Variants in CDHR3 observed in about 807,000 individuals in gnomAD.
The protein encoded by CDHR3 is cadherin-related family member 3.
CDHR3 carries 79 observed loss-of-function variants against 86.6 expected under a neutral mutation model. The ratio of observed to expected loss-of-function variants is 0.91; its 90% CI spans 0.76 to 1.10. The LOEUF is 1.10. Among genes scored for constraint, CDHR3 ranks in the 50% least tolerant of loss-of-function variants. CDHR3 has a pLI of 0.00. For synonymous variants in CDHR3, 421 were observed against 402.4 expected (o/e 1.05, Z -0.55); for missense variants, 1,081 against 1,077.6 (o/e 1.00, Z -0.04).
intron 4 of CDHR3, among the ~76,000 whole-genome samples, chr7:105,984,786 A>C (rs2115697858): frequency 6.6e-6 from 1 of 152,280 alleles, no homozygotes; most frequent in African/African-American, 2.4e-5. Flanking sequence ...TAAAAAATTA[A>C]AAAAGAGGCC....
intron 1 of CDHR3, among the ~76,000 whole-genome samples, chr7:105,969,377 G>A (rs1398364411): frequency 7.2e-6 from 1 of 138,948 alleles, no homozygotes; most frequent in Admixed American, 7.5e-5. Flanking sequence ...TCCAGCCTGG[G>A]CGACAGCGAG....
In CDHR3 at chr7:106,033,440, ATATACT is replaced by A. The variant is rs1838653133; in HGVS notation, c.*746_*751del. The A allele has an allele frequency of 6.6e-6, 1 of 152,244 alleles. No homozygotes were observed. The highest frequency in any genetic ancestry group is 2.4e-5 in the African/African-American group (1 of 41,468). The allele number at this position is 152,244 out of a possible 1,614,324, so 9.4% of individuals were successfully genotyped here. ...GCTTCAGATTTTTTACTTTTAAAAAATATACTTAAAAGTGAACTACAGGCAGGGCAT... is the reference window on the plus strand; with the variant it reads ...GCTTCAGATTTTTTACTTTTAAAAAATAAAAGTGAACTACAGGCAGGGCAT... On this transcript the variant is annotated 3_prime_UTR_variant, in exon 19 of 19. Coordinates refer to ENST00000317716, the MANE Select transcript of CDHR3 (RefSeq NM_152750.5).
Position 105,993,043 on chromosome 7 carries a change from C to T in CDHR3, c.514-1708C>T, listed in dbSNP as rs530482573. Among the ~76,000 whole-genome samples, 39 of 152,326 alleles carry T rather than the reference C, an allele frequency of 2.6e-4. No homozygotes were observed. The South Asian group carries it at 3.3e-3, about 13-fold the overall frequency. On this transcript the variant is annotated intron_variant, in intron 4 of 18. Transcript: ENST00000317716. ...CAGCAGCGATCATAACACAGCAAAT[C>T]GCTGGGTTGGAAACCTTGGCAGGTG...
At chr7:105,983,489 G>T (rs1830072978) in intron 3 of CDHR3, among the ~76,000 whole-genome samples, 2 of 152,194 alleles carry the variant, frequency 1.3e-5, no homozygotes, top group Admixed American at 1.3e-4. Flanking sequence ...GAAAATGTAT[G>T]TTAAGTCCTC....
intron 9 of CDHR3, 52 bp from the exon 10 acceptor site, chr7:106,015,059 A>C: frequency 7.0e-7 from 1 of 1,430,808 alleles, no homozygotes; most frequent in Non-Finnish European, 9.6e-7. Context: ...CTCGCAGCCC[A>C]ATAAATAGGA....
At chr7:106,008,247 T>C (rs1834240053) in intron 8 of CDHR3, among the ~76,000 whole-genome samples, 1 of 152,102 alleles carries the variant, frequency 6.6e-6, no homozygotes, top group Non-Finnish European at 1.5e-5. Flanking sequence ...CAGCTTCTAG[T>C]TGGCCAATGG....
In CDHR3 at chr7:106,035,207, C is replaced by A. The variant is rs996541267; in HGVS notation, c.*2510C>A. Among the ~76,000 whole-genome samples, 5 of 152,112 alleles carry A rather than the reference C, an allele frequency of 3.3e-5. No homozygotes were observed. Among genetic ancestry groups the A allele is most frequent in the African/African-American group, 4.8e-5 (2 of 41,398 alleles). On this transcript the variant is annotated 3_prime_UTR_variant, in exon 19 of 19. Transcript: ENST00000317716. Reference sequence around the variant, plus strand: ...CAGAGAAGAGATTTAAGTCAGGCACCAAGAGGGACTTCCTGAAGCCTGGGG... The same window carrying A: ...CAGAGAAGAGATTTAAGTCAGGCACAAAGAGGGACTTCCTGAAGCCTGGGG...
Position 106,011,363 on chromosome 7 carries a change from G to A in CDHR3, c.1053-1497G>A, listed in dbSNP as rs548592260. On this transcript the variant is annotated intron_variant, in intron 8 of 18. Transcript: ENST00000317716. ...GGCTTGAAAAATGCATGTGCCTTGG[G>A]ACTTGCCCTCTCTTGTTACTTTTGG... Among the ~76,000 whole-genome samples, 22 of 152,204 alleles carry A rather than the reference G, an allele frequency of 1.4e-4. No homozygotes were observed. In the South Asian group the frequency reaches 4.2e-3, roughly 29 times the overall value.
intron 13 of CDHR3, 93 bp from the exon 14 acceptor site, chr7:106,022,105 G>T (rs1355804592): frequency 6.7e-7 from 1 of 1,484,208 alleles, no homozygotes; most frequent in Non-Finnish European, 9.2e-7. Context: ...GTGGACATTT[G>T]AGAAAAAGAT....
chr7:105,997,942 C>T (rs1585671316), intron 6 of CDHR3, among the ~76,000 whole-genome samples: 1 of 147,034 alleles, frequency 6.8e-6, no homozygotes. Flanking sequence ...GTGTGACGGT[C>T]TTTTTTTTTT....
At chr7:105,974,695 C>T (rs370017003) in intron 1 of CDHR3, 149 bp from the exon 2 acceptor site, 7 of 635,958 alleles carry the variant, frequency 1.1e-5, no homozygotes, top group African/African-American at 5.5e-5. Context: ...ACATTGCCAG[C>T]ACTTGGCAAG....
rs544817393 is a variant in CDHR3, at chr7:105,966,351, G to T, written c.46+2987G>T. ...CCTTGGGAGCCAGAAGATTCACATGGACATGAAAAGGTACCAAACCCATCC... is the reference window on the plus strand; with the variant it reads ...CCTTGGGAGCCAGAAGATTCACATGTACATGAAAAGGTACCAAACCCATCC... On this transcript the variant is annotated intron_variant, in intron 1 of 18. Coordinates refer to ENST00000317716, the MANE Select transcript of CDHR3 (RefSeq NM_152750.5). Among the ~76,000 whole-genome samples, 15 of 152,276 alleles carry T rather than the reference G, an allele frequency of 9.9e-5. No individual in the cohort carries two copies. In the South Asian group the frequency reaches 3.1e-3, roughly 32 times the overall value.
Position 106,035,171 on chromosome 7 carries a change from T to C in CDHR3, c.*2474T>C, listed in dbSNP as rs1043370693. Among the ~76,000 whole-genome samples the C allele has an allele frequency of 6.6e-6, 1 of 151,928 alleles. No individual in the cohort carries two copies. Among genetic ancestry groups the C allele is most frequent in the African/African-American group, 2.4e-5 (1 of 41,332 alleles). The stretch of plus-strand genomic sequence containing the variant: ...GTGATGACAGGGCAAGAGGGAATTG[T>C]GCTTAATGGCCAGAGAAGAGATTTA... On this transcript the variant is annotated 3_prime_UTR_variant, in exon 19 of 19. Coordinates refer to ENST00000317716, the MANE Select transcript of CDHR3 (RefSeq NM_152750.5).
intron 4 of CDHR3, among the ~76,000 whole-genome samples, chr7:105,993,278 G>A (rs963099088): frequency 3.9e-5 from 6 of 152,122 alleles, no homozygotes; most frequent in Admixed American, 1.3e-4. Flanking sequence ...TTTACGGCAC[G>A]CATTCTCATT....
intron 2 of CDHR3, among the ~76,000 whole-genome samples, chr7:105,977,205 A>G (rs1290482215): frequency 6.6e-6 from 1 of 152,180 alleles, no homozygotes; most frequent in Non-Finnish European, 1.5e-5. Flanking sequence ...GCAAGTTTAA[A>G]TGATTTATCT....
intron 6 of CDHR3, among the ~76,000 whole-genome samples, chr7:106,000,912 A>AT (rs1262120773): frequency 1.1e-4 from 14 of 130,416 alleles, no homozygotes; most frequent in Non-Finnish European, 1.8e-5. Flanking sequence ...AAAAAAAAAA[A>AT]AAAAAGACAA....
intron 8 of CDHR3, chr7:106,004,931 T>C: frequency 1.9e-6 from 1 of 529,550 alleles, no homozygotes; most frequent in Non-Finnish European, 3.3e-6. Flanking sequence ...TAAGAATTAT[T>C]TTTTATTTTG....
intron 10 of CDHR3, 72 bp from the exon 11 acceptor site, chr7:106,015,846 AGGAGATTCT>A (rs1248417175): frequency 7.7e-6 from 8 of 1,043,088 alleles, no homozygotes; most frequent in Non-Finnish European, 1.2e-5. Flanking sequence ...GCCTGTACAC[AGGAGATTCT>A]TTAAAGATGT....
rs183225640 is a variant in CDHR3 at position 105,989,008 on chromosome 7, G to A, written c.513+4719G>A. On this transcript the variant is annotated intron_variant, in intron 4 of 18. Coordinates refer to ENST00000317716, the MANE Select transcript of CDHR3 (RefSeq NM_152750.5). ...TTTCAATGCTCATAGTCACACGTAC[G>A]TGAGGGTAGTGGCTACTGCATTGGC... Among the ~76,000 whole-genome samples, 6 of 152,260 alleles carry A rather than the reference G, an allele frequency of 3.9e-5. No individual in the cohort carries two copies. In the East Asian group the frequency reaches 9.7e-4, roughly 25 times the overall value.
Sources: allele counts gnomAD v4.1 joint callset (sites outside exome capture counted in the v4.1 genomes callset), GRCh38; gene constraint gnomAD v4.1.1; transcripts MANE v1.5; gene names NCBI Gene and HGNC (gene_info 2026-07-23, HGNC 2026-07-21).